The following ELK4 variants were observed in gnomAD, a reference collection of about 807,000 sequenced individuals.
ELK4 encodes ETS transcription factor ELK4.
Under a neutral mutation model 29.6 loss-of-function variants are expected in ELK4, and 16 were observed. The observed-to-expected ratio is 0.54, with a 90% CI of 0.37 to 0.82. ELK4 has a LOEUF of 0.82. Ranked by LOEUF, ELK4 falls within the 40% of genes least tolerant of loss-of-function variation. The pLI, the probability that ELK4 is intolerant of heterozygous loss-of-function variation, is 0.00. For synonymous variants in ELK4, 213 were observed against 191.1 expected (o/e 1.11, Z -0.95); for missense variants, 465 against 507.1 (o/e 0.92, Z 0.80).
chr1:205,607,964 T>C lies in ELK4; in HGVS notation c.*8582A>G, dbSNP rs1423112291. ...AAAATCATTTTGTTAAAAATATTTATTTAAAAAAATACAACTGCTGTCCAT... is the reference window on the plus strand; with the variant it reads ...AAAATCATTTTGTTAAAAATATTTACTTAAAAAAATACAACTGCTGTCCAT... On this transcript the variant is annotated 3_prime_UTR_variant, in exon 5 of 5. Transcript: ENST00000357992. 1 of 173,084 alleles carries C rather than the reference T, an allele frequency of 5.8e-6. No individual in the cohort carries two copies. The highest frequency in any genetic ancestry group is 2.4e-5 in the African/African-American group (1 of 42,108). The allele number at this position is 173,084 out of a possible 1,614,324, so 10.7% of individuals were successfully genotyped here. A position where few individuals can be genotyped will look rare whatever the true frequency, so the allele number is the denominator to read the frequency against.
intron 2 of ELK4, among the ~76,000 whole-genome samples, chr1:205,623,151 C>A (rs1391342373): frequency 7.8e-6 from 1 of 127,780 alleles, no homozygotes; most frequent in Non-Finnish European, 1.6e-5. Context: ...GAGTAAGACT[C>A]CGTCTCAAAA....
chr1:205,625,494 G>A, intron 1 of ELK4: 3 of 710,358 alleles, frequency 4.2e-6, no homozygotes, highest in Non-Finnish European at 7.9e-6. Flanking sequence ...TGAAATTCGT[G>A]TACAAAGAAG....
At chr1:205,629,170 C>CAAAAAAAAAAAAAAAAAAAAA (rs61374496) in intron 1 of ELK4, among the ~76,000 whole-genome samples, 78 of 92,242 alleles carry the variant, frequency 8.5e-4, no homozygotes, top group East Asian at 2.0e-3. Flanking sequence ...GACTACGTCT[C>CAAAAAAAAAAAAAAAAAAAAA]AAAAAAAAAA....
At chr1:205,630,959 G>A (rs1670570722) in intron 1 of ELK4, among the ~76,000 whole-genome samples, 2 of 152,340 alleles carry the variant, frequency 1.3e-5, no homozygotes, top group Admixed American at 6.5e-5. Context: ...ATTTCAAATA[G>A]CAATAGCTGG....
In ELK4 at chr1:205,620,164, CT is replaced by C; in HGVS notation, c.881del (p.Glu294GlyfsTer15). 1 of 1,614,220 alleles carries C rather than the reference CT, an allele frequency of 6.2e-7. No individual in the cohort carries two copies. The highest frequency in any genetic ancestry group is 8.5e-7 in the Non-Finnish European group (1 of 1,180,050). On this transcript the variant is annotated frameshift_variant, in exon 3 of 5. Transcript: ENST00000357992. LOFTEE classifies it high-confidence loss of function. ...SVASQPMELPENLSLEPKDQD... is the reference protein window; with the variant it reads ...SVASQPMELPXNLSLEPKDQD... ...GGTCTTTAGGCTCCAGTGACAAATTCTCTGGAAGTTCCATTGGCTGAGAAGC... is the reference window on the plus strand; with the variant it reads ...GGTCTTTAGGCTCCAGTGACAAATTCCTGGAAGTTCCATTGGCTGAGAAGC...
At chr1:205,617,966 T>C (rs1670262829) in intron 4 of ELK4, among the ~76,000 whole-genome samples, 1 of 108,486 alleles carries the variant, frequency 9.2e-6, no homozygotes, top group Admixed American at 1.3e-4. Context: ...CCCCCATATA[T>C]GTGTGTGTGT....
Position 205,609,863 on chromosome 1 carries a change from G to A in ELK4, c.*6683C>T, listed in dbSNP as rs1020471693. 25 of 226,714 alleles carry A rather than the reference G, an allele frequency of 1.1e-4. No homozygotes were observed. Among genetic ancestry groups the A allele is most frequent in the Admixed American group, 5.7e-5 (1 of 17,534 alleles). 14.0% of individuals were successfully genotyped at this position (226,714 alleles called of 1,614,324 possible). ...TAGCCAAAAGGGCATACCTTACAGA[G>A]CCTAGAAGAATGGCTCATTAGGTAA... On this transcript the variant is annotated 3_prime_UTR_variant, in exon 5 of 5. Coordinates refer to ENST00000357992, the MANE Select transcript of ELK4 (RefSeq NM_001973.4).
In ELK4 at chr1:205,615,390, CAAA is replaced by C. The variant is rs67904643; in HGVS notation, c.*1153_*1155del. On this transcript the variant is annotated 3_prime_UTR_variant, in exon 5 of 5. Transcript: ENST00000357992. ...TGGGTGATAGAGCAAGACTCTGTCT[CAAA>C]AAAAAAAAAAAAAAAAAAAAAAGGA... 7.0e-4 allele frequency: 37 copies of C among 53,220 alleles called. No individual in the cohort carries two copies. Among genetic ancestry groups the C allele is most frequent in the African/African-American group, 1.8e-3 (26 of 14,272 alleles). The allele number at this position is 53,220 out of a possible 1,614,324, so 3.3% of individuals were successfully genotyped here.
At position 205,616,638 on chromosome 1, in the gene ELK4, A is replaced by G. The variant is rs750355713; in HGVS notation, c.1204T>C (p.Ser402Pro). ...QGANTLFQFP[S>P]VLNSHGPFTL... ...AATGGCCCATGACTGTTCAGTACAGAAGGAAACTGAGAAAGAAAACAAAAC... is the reference window on the plus strand; with the variant it reads ...AATGGCCCATGACTGTTCAGTACAGGAGGAAACTGAGAAAGAAAACAAAAC... The change falls in exon 5 of 5, where the codon TCT (serine) becomes CCT (proline). Residue 402 changes from serine to proline, a missense_variant. This residue lies in a region of ELK4 where 80 missense variants were observed against 119.6 expected (regional missense o/e 0.67). Transcript: ENST00000357992. 4 of 1,612,080 alleles carry G rather than the reference A, an allele frequency of 2.5e-6. No homozygotes were observed. The Admixed American group carries it at 6.7e-5, about 27-fold the overall frequency.
chr1:205,624,083 A>C (rs1670405643), intron 1 of ELK4, among the ~76,000 whole-genome samples, 192 bp from the exon 2 acceptor site: 1 of 152,222 alleles, frequency 6.6e-6, no homozygotes, highest in Non-Finnish European at 1.5e-5. Flanking sequence ...CTTGTACAAC[A>C]TCACACAAGT....
Position 205,619,055 on chromosome 1 carries a change from G to C in ELK4, c.1099C>G (p.Pro367Ala). 1 of 1,601,596 alleles carries C rather than the reference G, an allele frequency of 6.2e-7. No homozygotes were observed. The highest frequency in any genetic ancestry group is 8.5e-7 in the Non-Finnish European group (1 of 1,175,686). Residue 367 changes from proline (P) to alanine (A), a missense_variant, in exon 4 of 5, where the codon CCA becomes GCA. Coordinates refer to ENST00000357992, the MANE Select transcript of ELK4 (RefSeq NM_001973.4). ...FFSQTPIILTPSPLLSSIHFW... is the reference protein window; with the variant it reads ...FFSQTPIILTASPLLSSIHFW... ...TGGATACTGGAGAGCAAGGGGCTTG[G>C]AGTCAGTATGATGGGTGTCTGCAAT...
rs1337189367 is a variant in ELK4, at chr1:205,616,473, C to G, written c.*73G>C. On this transcript the variant is annotated 3_prime_UTR_variant, in exon 5 of 5. Coordinates refer to ENST00000357992, the MANE Select transcript of ELK4 (RefSeq NM_001973.4). ...ATCAGCATTGTAGAACTATCAATTG[C>G]TCACTTCAAATGCAATCATGTTGAA... 1 of 1,351,748 alleles carries G rather than the reference C, an allele frequency of 7.4e-7. No homozygotes were observed. 83.7% of individuals were successfully genotyped at this position (1,351,748 alleles called of 1,614,324 possible).
In ELK4 at chr1:205,615,074, T is replaced by A. The variant is rs545850864; in HGVS notation, c.*1472A>T. On this transcript the variant is annotated 3_prime_UTR_variant, in exon 5 of 5. Coordinates refer to ENST00000357992, the MANE Select transcript of ELK4 (RefSeq NM_001973.4). Reference sequence around the variant, plus strand: ...ACAATCCAATCCCTATGTATAAGCATTCCCAAATGAACTCTGCTCTTCCCC... The same window carrying A: ...ACAATCCAATCCCTATGTATAAGCAATCCCAAATGAACTCTGCTCTTCCCC... 5.3e-6 allele frequency: 1 copy of A among 190,166 alleles called. No homozygotes were observed. Among genetic ancestry groups the A allele is most frequent in the Non-Finnish European group, 1.1e-5 (1 of 90,966 alleles). 11.8% of individuals were successfully genotyped at this position (190,166 alleles called of 1,614,324 possible).
intron 2 of ELK4, among the ~76,000 whole-genome samples, chr1:205,622,380 A>G (rs1248999631): frequency 2.0e-5 from 3 of 152,220 alleles, no homozygotes; most frequent in African/African-American, 7.2e-5. Flanking sequence ...ATATGTAGAT[A>G]TATGTGTGTG....
At chr1:205,631,416 G>GTA (rs10635021) in intron 1 of ELK4, among the ~76,000 whole-genome samples, 3 of 150,288 alleles carry the variant, frequency 2.0e-5, no homozygotes, top group Non-Finnish European at 3.0e-5. Context: ...GGGGGACCAA[G>GTA]AGGCGACGAG....
intron 1 of ELK4, among the ~76,000 whole-genome samples, chr1:205,627,186 T>C (rs1670482118): frequency 6.6e-6 from 1 of 152,170 alleles, no homozygotes; most frequent in African/African-American, 2.4e-5. Flanking sequence ...AGAAAATGGG[T>C]ACAGGGTTTC....
intron 1 of ELK4, among the ~76,000 whole-genome samples, chr1:205,627,697 T>C (rs954965257): frequency 6.6e-6 from 1 of 152,170 alleles, no homozygotes; most frequent in African/African-American, 2.4e-5. Flanking sequence ...TCTAACAACA[T>C]TTAACTCACA....
Position 205,613,309 on chromosome 1 carries a change from A to C in ELK4, c.*3237T>G, listed in dbSNP as rs1670182462. ...ACACACCAAGACTCCATCTCTAAAA[A>C]ATTAAATTAAAGGATTACTGAAAGA... is the stretch of plus-strand genomic sequence containing the variant. On this transcript the variant is annotated 3_prime_UTR_variant, in exon 5 of 5. Transcript: ENST00000357992. 5.2e-6 allele frequency: 1 copy of C among 192,000 alleles called. No individual in the cohort carries two copies. The highest frequency in any genetic ancestry group is 1.1e-5 in the Non-Finnish European group (1 of 91,808). The allele number at this position is 192,000 out of a possible 1,614,324, so 11.9% of individuals were successfully genotyped here. A position where few individuals can be genotyped will look rare whatever the true frequency, so the allele number is the denominator to read the frequency against.
chr1:205,625,956 C>G, intron 1 of ELK4: 1 of 907,556 alleles, frequency 1.1e-6, no homozygotes, highest in Non-Finnish European at 1.8e-6. Flanking sequence ...GGATTACAGG[C>G]ATAAGCCACT....
Sources: gnomAD v4.1 joint callset for allele counts (sites outside exome capture counted in the v4.1 genomes callset) on GRCh38, gnomAD v4.1.1 for gene constraint, gnomAD v4.1.1 regional missense constraint, MANE v1.5 for transcripts, NCBI Gene and HGNC (gene_info 2026-07-23, HGNC 2026-07-21) for gene names.